Variants in PYHIN1 observed in about 807,000 individuals in gnomAD.
The protein encoded by PYHIN1 is pyrin and HIN domain family member 1.
PYHIN1 carries 32 observed loss-of-function variants against 43.7 expected under a neutral mutation model. The observed-to-expected ratio is 0.73, with a 90% CI of 0.55 to 0.98. PYHIN1 has a LOEUF of 0.98. Among genes scored for constraint, PYHIN1 ranks in the 50% least tolerant of loss-of-function variants. The probability of loss-of-function intolerance (pLI) is 0.00; values close to 1 mark genes in which losing one functional copy is unlikely to be tolerated. For synonymous variants in PYHIN1, 205 were observed against 203.1 expected (o/e 1.01, Z -0.08); for missense variants, 588 against 589.5 (o/e 1.00, Z 0.03).
At chr1:158,938,931 A>G in intron 3 of PYHIN1, 149 bp from the exon 4 acceptor site, 1 of 534,930 alleles carries the variant, frequency 1.9e-6, no homozygotes, top group East Asian at 3.2e-5. Flanking sequence ...GAAACCATCT[A>G]TGCCATGTTC....
chr1:158,967,792 C>T (rs1259047714), intron 7 of PYHIN1, among the ~76,000 whole-genome samples: 1 of 151,954 alleles, frequency 6.6e-6, no homozygotes, highest in African/African-American at 2.4e-5. Flanking sequence ...TAAGGCCGCC[C>T]ACCTACAATC....
chr1:158,960,283 G>A (rs2101705767), intron 7 of PYHIN1, among the ~76,000 whole-genome samples: 1 of 152,290 alleles, frequency 6.6e-6, no homozygotes, highest in South Asian at 2.1e-4. Flanking sequence ...TATTCTCTTG[G>A]CCACTTCAAT....
At chr1:158,939,387 T>C (rs757236956) in intron 4 of PYHIN1, 140 bp downstream of exon 4, 2 of 1,584,432 alleles carry the variant, frequency 1.3e-6, no homozygotes, top group Non-Finnish European at 1.7e-6. Context: ...TGCATTTTAA[T>C]CTTTTGCTTC....
rs182227250 is a variant in PYHIN1, at chr1:158,933,194, G to A, written c.-21+1418G>A. Among the ~76,000 whole-genome samples, 766 of 151,524 alleles carry A rather than the reference G, an allele frequency of 5.1e-3. 4 individuals carry two copies. Among genetic ancestry groups the A allele is most frequent in the South Asian group, 0.027 (129 of 4,804 alleles). On this transcript the variant is annotated intron_variant, in intron 1 of 8. Transcript: ENST00000368140. The surrounding 1 kb of genome is among the most constrained non-coding windows in gnomAD (Gnocchi z 6.3). ...TATAATGTATATTATGTGTGTATGT[G>A]ATCATGCATACATGTTTCCAAACAT...
the PYHIN1 span, among the ~76,000 whole-genome samples, chr1:158,990,095 T>C: frequency 6.6e-6 from 1 of 152,190 alleles, no homozygotes; most frequent in East Asian, 1.9e-4. Context: ...ACTCATGATG[T>C]GAATATGACC....
intron 7 of PYHIN1, among the ~76,000 whole-genome samples, chr1:158,948,053 T>C (rs1433458048): frequency 6.6e-6 from 1 of 152,108 alleles, no homozygotes; most frequent in African/African-American, 2.4e-5. Context: ...AACTACAACA[T>C]GTCCCCCTTT....
intron 3 of PYHIN1, among the ~76,000 whole-genome samples, chr1:158,938,834 A>T (rs534799541): frequency 6.6e-6 from 1 of 152,220 alleles, no homozygotes; most frequent in African/African-American, 2.4e-5. Flanking sequence ...ACAAAAGCCT[A>T]GTTTCTTAAC....
chr1:158,952,108 G>GTT (rs35079460), intron 7 of PYHIN1, among the ~76,000 whole-genome samples: 1,837 of 118,096 alleles, frequency 0.016, 54 homozygotes, highest in African/African-American at 0.033. Context: ...GCCTGTGTCG[G>GTT]TTTTTTTTTT....
At chr1:158,939,463 T>A in intron 4 of PYHIN1, 1 of 1,551,542 alleles carries the variant, frequency 6.4e-7, no homozygotes. Context: ...CTGTGCTGTT[T>A]GGGGAAGAGA....
At chr1:158,944,182 T>A (rs780652973) in intron 6 of PYHIN1, among the ~76,000 whole-genome samples, 18 of 152,132 alleles carry the variant, frequency 1.2e-4, no homozygotes, top group Non-Finnish European at 2.2e-4. Context: ...CAAAAAGACA[T>A]GAAACTTGTG....
intron 7 of PYHIN1, among the ~76,000 whole-genome samples, chr1:158,973,087 G>T (rs1015819715): frequency 1.3e-5 from 2 of 151,998 alleles, no homozygotes; most frequent in Non-Finnish European, 2.9e-5. Context: ...AGAAAGAAAA[G>T]GGGAGTATTA....
At chr1:158,966,587 A>T (rs1312146030) in intron 7 of PYHIN1, among the ~76,000 whole-genome samples, 1 of 152,190 alleles carries the variant, frequency 6.6e-6, no homozygotes, top group Admixed American at 6.5e-5. Context: ...AATGTGGTTC[A>T]TCACATAAAC....
At chr1:158,953,159 G>A (rs1300954457) in intron 7 of PYHIN1, among the ~76,000 whole-genome samples, 1 of 150,984 alleles carries the variant, frequency 6.6e-6, no homozygotes, top group Non-Finnish European at 1.5e-5. Context: ...CTGCAAGGCA[G>A]CAGTGAGGCT....
chr1:158,963,749 TAAC>T (rs1215095192), intron 7 of PYHIN1, among the ~76,000 whole-genome samples: 1 of 152,174 alleles, frequency 6.6e-6, no homozygotes, highest in African/African-American at 2.4e-5. Context: ...CTCAGCTCTC[TAAC>T]AACATCCAGG....
In PYHIN1 at chr1:158,959,385, G is replaced by C. The variant is rs149993875; in HGVS notation, c.1360-14262G>C. Among the ~76,000 whole-genome samples, 34 of 150,896 alleles carry C rather than the reference G, an allele frequency of 2.3e-4. No individual in the cohort carries two copies. The South Asian group carries it at 4.8e-3, about 21-fold the overall frequency. ...CAAACCTGTGGGTAATTTGGTTGCC[G>C]ACCGGACCCTTTAGAGAGCAATTAT... On this transcript the variant is annotated intron_variant, in intron 7 of 8. Transcript: ENST00000368140.
chr1:158,961,589 G>A (rs1462643961), intron 7 of PYHIN1, among the ~76,000 whole-genome samples: 1 of 151,988 alleles, frequency 6.6e-6, no homozygotes, highest in Non-Finnish European at 1.5e-5. Context: ...TTGCTCACCT[G>A]GGAATGGCAC....
At chr1:158,965,049 C>A (rs1326154221) in intron 7 of PYHIN1, among the ~76,000 whole-genome samples, 1 of 151,330 alleles carries the variant, frequency 6.6e-6, no homozygotes, top group Non-Finnish European at 1.5e-5. Context: ...AAAAATCTAC[C>A]AAACAAATAG....
chr1:158,956,928 AC>A (rs1329830967), intron 7 of PYHIN1, among the ~76,000 whole-genome samples: 4 of 108,248 alleles, frequency 3.7e-5, no homozygotes, highest in Non-Finnish European at 7.7e-5. Context: ...AAATCAATGT[AC>A]AAAAATCACA....
chr1:158,973,717 C>T lies in PYHIN1; in HGVS notation c.1430C>T (p.Pro477Leu), dbSNP rs372542909. 3 of 1,613,304 alleles carry T rather than the reference C, an allele frequency of 1.9e-6. No individual in the cohort carries two copies. Among genetic ancestry groups the T allele is most frequent in the Non-Finnish European group, 1.7e-6 (2 of 1,179,556 alleles). Reference protein sequence around the residue: ...NFRITSPTVAPPLSSDTSTNR... With the variant: ...NFRITSPTVALPLSSDTSTNR... The stretch of plus-strand genomic sequence containing the variant: ...AGAATCACCTCACCAACTGTGGCCC[C>T]TCCTCTTTCTTCTGACACTTCCACC... Residue 477 changes from proline to leucine, a missense_variant, in exon 8 of 9, where the codon CCT becomes CTT. Transcript: ENST00000368140.
Sources: gnomAD v4.1 joint callset for allele counts (sites outside exome capture counted in the v4.1 genomes callset) on GRCh38, gnomAD v4.1.1 for gene constraint, Gnocchi (gnomAD v3.1) non-coding constraint, MANE v1.5 for transcripts, NCBI Gene and HGNC (gene_info 2026-07-23, HGNC 2026-07-21) for gene names.